PPP1R12B: variants seen among roughly 807,000 people sequenced by gnomAD.
PPP1R12B encodes protein phosphatase 1 regulatory subunit 12B.
Under a neutral mutation model 126.1 loss-of-function variants are expected in PPP1R12B, and 76 were observed. The observed-to-expected ratio is 0.60, with a 90% CI of 0.50 to 0.73. The LOEUF (loss-of-function observed/expected upper bound fraction) is 0.73, where lower values mean the gene tolerates loss of function less well. Among genes scored for constraint, PPP1R12B ranks in the 30% least tolerant of loss-of-function variants. PPP1R12B has a pLI of 0.00. For missense variants in PPP1R12B, 1,052 were observed against 1,205.1 expected, an observed-to-expected ratio of 0.87 and a Z score of 1.88; for synonymous variants, 356 against 434.7, an observed-to-expected ratio of 0.82 and a Z score of 2.25.
intron 23 of PPP1R12B, among the ~76,000 whole-genome samples, 161 bp downstream of exon 23, chr1:202,569,358 C>T (rs1468971356): frequency 1.3e-5 from 2 of 152,172 alleles, no homozygotes; most frequent in Non-Finnish European, 2.9e-5. Context: ...TCAGCCATTT[C>T]CTAGGCTCTC....
intron 1 of PPP1R12B, among the ~76,000 whole-genome samples, chr1:202,391,672 G>T (rs1664195706): frequency 4.4e-5 from 1 of 22,474 alleles, no homozygotes; most frequent in Non-Finnish European, 8.5e-5. Context: ...GAAGATAAAT[G>T]AATTATCTTC....
intron 18 of PPP1R12B, among the ~76,000 whole-genome samples, chr1:202,522,735 G>GT (rs2148918508): frequency 6.6e-6 from 1 of 152,080 alleles, no homozygotes; most frequent in Admixed American, 6.5e-5. Flanking sequence ...TTTTCTCTTG[G>GT]TTACCACCAA....
intron 1 of PPP1R12B, among the ~76,000 whole-genome samples, chr1:202,366,816 C>T (rs996972088): frequency 6.6e-6 from 1 of 152,054 alleles, no homozygotes; most frequent in Admixed American, 6.6e-5. Flanking sequence ...CGTAGAACCT[C>T]ACTGATTGTT....
At chr1:202,540,686 G>A (rs1331853743) in intron 18 of PPP1R12B, among the ~76,000 whole-genome samples, 8 of 152,174 alleles carry the variant, frequency 5.3e-5, no homozygotes, top group African/African-American at 1.9e-4. Flanking sequence ...AGTTTTGCAA[G>A]TTCTGTGTGT....
At chr1:202,570,418 GC>G (rs1242484645) in intron 23 of PPP1R12B, among the ~76,000 whole-genome samples, 1 of 152,122 alleles carries the variant, frequency 6.6e-6, no homozygotes, top group Non-Finnish European at 1.5e-5. Context: ...GCTGAGCCTT[GC>G]CCTTGCATTT....
At chr1:202,552,992 C>A (rs1195982389) in intron 18 of PPP1R12B, among the ~76,000 whole-genome samples, 1 of 152,168 alleles carries the variant, frequency 6.6e-6, no homozygotes, top group African/African-American at 2.4e-5. Flanking sequence ...CTACACATTT[C>A]ACAAATCAAA....
chr1:202,504,297 G>A (rs1030440658), intron 18 of PPP1R12B, among the ~76,000 whole-genome samples: 5 of 152,086 alleles, frequency 3.3e-5, no homozygotes, highest in Non-Finnish European at 5.9e-5. Flanking sequence ...GGAGGCTGAG[G>A]CATGAGAATC....
chr1:202,592,207 A>G lies in PPP1R12B; in HGVS notation c.*11647A>G. 6.5e-6 allele frequency: 1 copy of G among 152,880 alleles called. No individual in the cohort carries two copies. Among genetic ancestry groups the G allele is most frequent in the Non-Finnish European group, 1.5e-5 (1 of 68,108 alleles). The allele number at this position is 152,880 out of a possible 1,614,324, so 9.5% of individuals were successfully genotyped here. A position where few individuals can be genotyped will look rare whatever the true frequency, so the allele number is the denominator to read the frequency against. On this transcript the variant is annotated 3_prime_UTR_variant, in exon 24 of 24. Transcript: ENST00000608999. ...CACACATACACAGAACATGGAAGCTACTGGGATGCCAGATACCAGGCTGGA... is the reference window on the plus strand; with the variant it reads ...CACACATACACAGAACATGGAAGCTGCTGGGATGCCAGATACCAGGCTGGA...
intron 18 of PPP1R12B, among the ~76,000 whole-genome samples, chr1:202,556,139 C>T (rs1456437264): frequency 2.6e-5 from 4 of 152,140 alleles, no homozygotes; most frequent in African/African-American, 9.7e-5. Flanking sequence ...GCCTCCCAAG[C>T]TGCTGGTATT....
chr1:202,586,592 A>G lies in PPP1R12B; in HGVS notation c.*6032A>G, dbSNP rs1439934265. 1 of 152,252 alleles carries G rather than the reference A, an allele frequency of 6.6e-6. No individual in the cohort carries two copies. Among genetic ancestry groups the G allele is most frequent in the Non-Finnish European group, 1.5e-5 (1 of 68,042 alleles). The allele number at this position is 152,252 out of a possible 1,614,324, so 9.4% of individuals were successfully genotyped here. On this transcript the variant is annotated 3_prime_UTR_variant, in exon 24 of 24. Coordinates refer to ENST00000608999, the MANE Select transcript of PPP1R12B (RefSeq NM_002481.4). ...AAATAGATCAACTTCATTGTAGTCC[A>G]GGAACTGTTGGTCACAGCTACTAGG...
intron 9 of PPP1R12B, 82 bp from the exon 10 acceptor site, chr1:202,437,737 AGT>A (rs1671021923): frequency 1.6e-6 from 2 of 1,240,108 alleles, no homozygotes; most frequent in South Asian, 1.5e-5. Flanking sequence ...CGCTGAACTT[AGT>A]TAAGTGTGGA....
At chr1:202,427,288 T>C (rs1471365278) in intron 5 of PPP1R12B, 104 bp downstream of exon 5, 2 of 1,480,274 alleles carry the variant, frequency 1.4e-6, no homozygotes, top group Non-Finnish European at 1.8e-6. Context: ...TGTTGTGAAA[T>C]ATACATCACT....
intron 18 of PPP1R12B, among the ~76,000 whole-genome samples, chr1:202,511,205 A>G (rs1297384339): frequency 2.0e-5 from 3 of 150,460 alleles, no homozygotes; most frequent in Admixed American, 1.3e-4. Context: ...AGCAGTGTAC[A>G]CTGTACCCAC....
At chr1:202,576,271 CA>C (rs1689081917) in intron 23 of PPP1R12B, 1 of 152,224 alleles carries the variant, frequency 6.6e-6, no homozygotes, top group African/African-American at 2.4e-5. Flanking sequence ...ATCTGAAAGA[CA>C]AGCTCACAGA....
Position 202,584,740 on chromosome 1 carries a change from C to T in PPP1R12B, c.*4180C>T, listed in dbSNP as rs1689721818. 1 of 152,100 alleles carries T rather than the reference C, an allele frequency of 6.6e-6. No homozygotes were observed. Among genetic ancestry groups the T allele is most frequent in the Non-Finnish European group, 1.5e-5 (1 of 68,038 alleles). 9.4% of individuals were successfully genotyped at this position (152,100 alleles called of 1,614,324 possible). A position where few individuals can be genotyped will look rare whatever the true frequency, so the allele number is the denominator to read the frequency against. On this transcript the variant is annotated 3_prime_UTR_variant, in exon 24 of 24. Transcript: ENST00000608999. Reference sequence around the variant, plus strand: ...TATTCAGCTTCCAGGCGGCTTTGCACCTCCAAAGGTGCAAAAAGGAAAAAG... The same window carrying T: ...TATTCAGCTTCCAGGCGGCTTTGCATCTCCAAAGGTGCAAAAAGGAAAAAG...
chr1:202,358,470 C>G (rs1657523918), intron 1 of PPP1R12B, among the ~76,000 whole-genome samples: 1 of 152,154 alleles, frequency 6.6e-6, no homozygotes, highest in Admixed American at 6.6e-5. Context: ...ATCACGAGGT[C>G]AGGAGATTGA....
intron 18 of PPP1R12B, among the ~76,000 whole-genome samples, chr1:202,534,046 C>G (rs1157848562): frequency 6.6e-6 from 1 of 152,164 alleles, no homozygotes; most frequent in Non-Finnish European, 1.5e-5. Flanking sequence ...AGTAGGCATT[C>G]TATTGTAAGC....
chr1:202,436,327 T>C (rs1670812681), intron 9 of PPP1R12B, among the ~76,000 whole-genome samples: 1 of 152,152 alleles, frequency 6.6e-6, no homozygotes, highest in South Asian at 2.1e-4. Context: ...AAAATGATGC[T>C]GGGGAAGGCA....
At chr1:202,518,227 A>G (rs1457485837) in intron 18 of PPP1R12B, among the ~76,000 whole-genome samples, 2 of 152,362 alleles carry the variant, frequency 1.3e-5, no homozygotes, top group East Asian at 3.9e-4. Context: ...TATTCATTCT[A>G]CAAATACTTG....
Sources: gnomAD v4.1 joint callset for allele counts (sites outside exome capture counted in the v4.1 genomes callset) on GRCh38, gnomAD v4.1.1 for gene constraint, MANE v1.5 for transcripts, NCBI Gene and HGNC (gene_info 2026-07-23, HGNC 2026-07-21) for gene names.